Variants in PCDHA6 observed in about 807,000 individuals in gnomAD.
PCDHA6 encodes the protein protocadherin alpha-6.
PCDHA6 carries 55 observed loss-of-function variants against 60.3 expected under a neutral mutation model. The observed-to-expected ratio is 0.91, with a 90% CI of 0.73 to 1.14. The LOEUF is 1.14. Ranked by LOEUF, PCDHA6 falls within the 50% of genes most tolerant of loss-of-function variation. The probability of loss-of-function intolerance (pLI) is 0.00; values close to 1 mark genes in which losing one functional copy is unlikely to be tolerated. For missense variants in PCDHA6, 1,327 were observed against 1,256.5 expected, an observed-to-expected ratio of 1.06 and a Z score of -0.85; for synonymous variants, 652 against 557.9, an observed-to-expected ratio of 1.17 and a Z score of -2.38.
chr5:140,986,732 C>T (rs1427962629), intron 3 of PCDHA6, among the ~76,000 whole-genome samples: 1 of 152,150 alleles, frequency 6.6e-6, no homozygotes, highest in African/African-American at 2.4e-5. Context: ...CTTCTCAAGA[C>T]CCCAGGGGAT....
intron 1 of PCDHA6, among the ~76,000 whole-genome samples, chr5:140,954,639 T>A (rs1433862413): frequency 6.6e-6 from 1 of 152,240 alleles, no homozygotes; most frequent in East Asian, 1.9e-4. Flanking sequence ...TCTTGTAAAT[T>A]TGTTTAAGTT....
At position 140,830,328 on chromosome 5, in the gene PCDHA6, G is replaced by A; in HGVS notation, c.2237G>A (p.Gly746Glu). Residue 746 changes from glycine (G) to glutamate (E), a missense_variant, in exon 1 of 4, where the codon GGG becomes GAG. Coordinates refer to ENST00000529310, the MANE Select transcript of PCDHA6 (RefSeq NM_018909.4). The stretch of plus-strand genomic sequence containing the variant: ...ACGCTGGTGTGCTCCAGCGCAGTGG[G>A]GAGCTGGTCGTACTCGCAGCAGAGG... ...KPTLVCSSAV[G>E]SWSYSQQRRQ... 2 of 1,614,058 alleles carry A rather than the reference G, an allele frequency of 1.2e-6. No individual in the cohort carries two copies. The highest frequency in any genetic ancestry group is 1.7e-6 in the Non-Finnish European group (2 of 1,179,964).
At chr5:140,965,442 G>A (rs782186943) in intron 1 of PCDHA6, among the ~76,000 whole-genome samples, 3 of 151,978 alleles carry the variant, frequency 2.0e-5, no homozygotes, top group Non-Finnish European at 4.4e-5. Flanking sequence ...CATTGAAATT[G>A]CTGGTTATTG....
intron 1 of PCDHA6, among the ~76,000 whole-genome samples, chr5:140,895,531 A>T (rs1433375510): frequency 6.6e-6 from 1 of 152,016 alleles, no homozygotes; most frequent in Non-Finnish European, 1.5e-5. Flanking sequence ...TTCGTTTTTC[A>T]ATTGTTGAGT....
rs2150160493 is a variant in PCDHA6 at position 140,828,905 on chromosome 5, G to A, written c.814G>A (p.Gly272Arg). The part of the protein sequence containing the change: ...IRLNASDRDE[G>R]ANGAISYSFN... ...ACTGAATGCTTCTGATCGGGATGAA[G>A]GAGCGAATGGGGCAATTTCATATTC... The change falls in exon 1 of 4, where the codon GGA (glycine) becomes AGA (arginine). Residue 272 changes from glycine (G) to arginine (R), a missense_variant. Coordinates refer to ENST00000529310, the MANE Select transcript of PCDHA6 (RefSeq NM_018909.4). 3 of 1,614,136 alleles carry A rather than the reference G, an allele frequency of 1.9e-6. No individual in the cohort carries two copies. In the Admixed American group the frequency reaches 5.0e-5, roughly 27 times the overall value.
chr5:140,982,488 G>C lies in PCDHA6; in HGVS notation c.2467G>C (p.Glu823Gln), dbSNP rs782419098. 3 of 1,614,212 alleles carry C rather than the reference G, an allele frequency of 1.9e-6. No individual in the cohort carries two copies. Among genetic ancestry groups the C allele is most frequent in the Non-Finnish European group, 2.5e-6 (3 of 1,180,036 alleles). The change falls in exon 3 of 4, where the codon GAG becomes CAG. Residue 823 changes from glutamate to glutamine, a missense_variant. Glu to Gln is a conservative substitution (Grantham distance 29). Coordinates refer to ENST00000529310, the MANE Select transcript of PCDHA6 (RefSeq NM_018909.4). ...RAGMHSSVHLEEAGILRAGPG... is the reference protein window; with the variant it reads ...RAGMHSSVHLQEAGILRAGPG... The stretch of plus-strand genomic sequence containing the variant: ...GTGTTTATTCAGCTCTGTGCACCTA[G>C]AGGAGGCTGGCATTCTACGGGCTGG...
chr5:140,989,534 A>G (rs1201139003), intron 3 of PCDHA6, among the ~76,000 whole-genome samples: 1 of 152,184 alleles, frequency 6.6e-6, no homozygotes, highest in African/African-American at 2.4e-5. Flanking sequence ...GGAGGAAGAT[A>G]GTTTGTAATT....
intron 1 of PCDHA6, chr5:140,861,034 G>A (rs1262696550): frequency 1.3e-5 from 2 of 152,270 alleles, no homozygotes; most frequent in Admixed American, 6.5e-5. Context: ...CGGCCGAAAG[G>A]TATTTTTTTT....
intron 1 of PCDHA6, among the ~76,000 whole-genome samples, chr5:140,900,358 A>C (rs2067968295): frequency 6.6e-6 from 1 of 151,358 alleles, no homozygotes. Flanking sequence ...GCTCACCGCA[A>C]CCTCTGCCTC....
intron 1 of PCDHA6, chr5:140,858,397 CG>C (rs1314612729): frequency 2.5e-6 from 4 of 1,573,068 alleles, no homozygotes; most frequent in African/African-American, 2.7e-5. Context: ...TAGATGTGGA[CG>C]GGGAAGATCA....
intron 1 of PCDHA6, chr5:140,834,608 G>A (rs2150222869): frequency 6.2e-7 from 1 of 1,614,060 alleles, no homozygotes; most frequent in East Asian, 2.2e-5. Context: ...GGGATCTTCT[G>A]GAGGTAAATC....
chr5:140,882,587 G>C (rs559310344), intron 1 of PCDHA6: 9 of 1,614,256 alleles, frequency 5.6e-6, no homozygotes, highest in Non-Finnish European at 6.8e-6. Flanking sequence ...CATCCACCTG[G>C]AGGTGATCGT....
intron 1 of PCDHA6, among the ~76,000 whole-genome samples, chr5:140,941,249 TTCTTTC>T (rs1367740560): frequency 3.0e-4 from 42 of 138,342 alleles, no homozygotes; most frequent in South Asian, 7.1e-4. Context: ...CTTTCTTTCT[TTCTTTC>T]TCTTTCTTTC....
rs1554262820 is a variant in PCDHA6, at chr5:141,010,243, G to A, written c.*306G>A. On this transcript the variant is annotated 3_prime_UTR_variant, in exon 4 of 4. Coordinates refer to ENST00000529310, the MANE Select transcript of PCDHA6 (RefSeq NM_018909.4). The stretch of plus-strand genomic sequence containing the variant: ...TTCCCAGCCCCGCCAGTGAGAGGTT[G>A]GACTCTCTGCCCTGTGCTCCGGGGA... 1 of 1,551,890 alleles carries A rather than the reference G, an allele frequency of 6.4e-7. No individual in the cohort carries two copies. Among genetic ancestry groups the A allele is most frequent in the Non-Finnish European group, 8.7e-7 (1 of 1,147,036 alleles).
chr5:140,941,876 C>T (rs1293978062), intron 1 of PCDHA6, among the ~76,000 whole-genome samples: 1 of 152,166 alleles, frequency 6.6e-6, no homozygotes, highest in Non-Finnish European at 1.5e-5. Flanking sequence ...GTTCTATCAC[C>T]AGTGACTAGC....
chr5:140,906,963 G>A (rs150934602), intron 1 of PCDHA6, among the ~76,000 whole-genome samples: 2 of 152,098 alleles, frequency 1.3e-5, no homozygotes, highest in South Asian at 2.1e-4. Flanking sequence ...TAATGGAATC[G>A]TGGTTGTGTC....
At position 140,836,540 on chromosome 5, in the gene PCDHA6, G is replaced by A. The variant is rs2150263388; in HGVS notation, c.2394+6055G>A. On this transcript the variant is annotated intron_variant, in intron 1 of 3. Transcript: ENST00000529310. ...TGGTGCTTACCCTGCTGCTGTACAC[G>A]GCGTTGCGGTGCTCAGCGCCGTCCT... 4,283 of 1,613,776 alleles carry A rather than the reference G, an allele frequency of 2.7e-3. 131 individuals carry two copies. The African/African-American group carries it at 0.05, about 19-fold the overall frequency.
chr5:140,998,005 C>G (rs539275150), intron 3 of PCDHA6, among the ~76,000 whole-genome samples: 1 of 152,164 alleles, frequency 6.6e-6, no homozygotes, highest in South Asian at 2.1e-4. Flanking sequence ...TCTGAGCCTT[C>G]CATCCCCACC....
intron 1 of PCDHA6, chr5:140,841,825 A>C: frequency 6.2e-7 from 1 of 1,613,926 alleles, no homozygotes; most frequent in Non-Finnish European, 8.5e-7. Context: ...ACTCCGTGTT[A>C]ACCTACAGGC....
Sources: gnomAD v4.1 joint callset for allele counts (sites outside exome capture counted in the v4.1 genomes callset) on GRCh38, gnomAD v4.1.1 for gene constraint, MANE v1.5 for transcripts, NCBI Gene and HGNC (gene_info 2026-07-23, HGNC 2026-07-21) for gene names.